The following TAF4B variants were observed in gnomAD, a reference collection of about 807,000 sequenced individuals.
The protein encoded by TAF4B is transcription initiation factor TFIID subunit 4B.
TAF4B carries 38 observed loss-of-function variants against 86.4 expected under a neutral mutation model. The observed-to-expected ratio is 0.44, with a 90% CI of 0.34 to 0.58. The LOEUF is 0.58. Ranked by LOEUF, TAF4B falls within the 20% of genes least tolerant of loss-of-function variation. TAF4B has a pLI of 0.02. For synonymous variants in TAF4B, 388 were observed against 391.2 expected (o/e 0.99, Z 0.10); for missense variants, 988 against 1,027.6 (o/e 0.96, Z 0.53).
Position 26,265,274 on chromosome 18 carries a change from G to A in TAF4B, c.448G>A (p.Val150Ile). 2 of 1,614,020 alleles carry A rather than the reference G, an allele frequency of 1.2e-6. No homozygotes were observed. Among genetic ancestry groups the A allele is most frequent in the Non-Finnish European group, 1.7e-6 (2 of 1,179,994 alleles). ...TTSNITSRPA[V>I]PANPQTVKIC... ...AAGTAACATAACCTCAAGGCCAGCA[G>A]TACCAGCGAATCCTCAAACAGTCAA... Residue 150 changes from valine to isoleucine, a missense_variant, in exon 2 of 15, where the codon GTA (valine) becomes ATA (isoleucine). Physicochemically the swap from Val to Ile is conservative, Grantham distance 29 (BLOSUM62 3). Coordinates refer to ENST00000269142, the MANE Select transcript of TAF4B (RefSeq NM_005640.3).
intron 9 of TAF4B, among the ~76,000 whole-genome samples, chr18:26,307,293 T>C (rs2144649046): frequency 6.6e-6 from 1 of 152,294 alleles, no homozygotes; most frequent in Non-Finnish European, 1.5e-5. Context: ...TTGTGACTTT[T>C]TCTGCTAAGA....
intron 1 of TAF4B, among the ~76,000 whole-genome samples, chr18:26,241,377 A>T (rs8093845): frequency 0.65 from 98,049 of 152,000 alleles, 33,731 homozygotes; most frequent in African/African-American, 0.87. Flanking sequence ...TGCGTAGAGG[A>T]GTTTATAGTA....
chr18:26,362,522 T>C (rs1397031337), intron 14 of TAF4B, among the ~76,000 whole-genome samples: 4 of 152,228 alleles, frequency 2.6e-5, no homozygotes, highest in Non-Finnish European at 4.4e-5. Flanking sequence ...GGTGTTTTTA[T>C]TTATTATATG....
chr18:26,330,162 C>CA (rs2057039410), intron 12 of TAF4B, among the ~76,000 whole-genome samples: 1 of 152,152 alleles, frequency 6.6e-6, no homozygotes, highest in Admixed American at 6.6e-5. Context: ...GTCATGGTTG[C>CA]AAAATGTCAA....
chr18:26,328,746 A>C (rs1376428294), intron 12 of TAF4B, among the ~76,000 whole-genome samples: 3 of 151,910 alleles, frequency 2.0e-5, no homozygotes, highest in Non-Finnish European at 4.4e-5. Flanking sequence ...TAGCCTCCTG[A>C]GTAGCTGGGA....
intron 1 of TAF4B, among the ~76,000 whole-genome samples, chr18:26,244,012 G>T (rs1317284736): frequency 6.6e-6 from 1 of 152,252 alleles, no homozygotes; most frequent in Admixed American, 6.5e-5. Flanking sequence ...ATGCCTCCCA[G>T]TTAGGCTACT....
chr18:26,302,898 A>AT (rs2056752174), intron 9 of TAF4B, among the ~76,000 whole-genome samples: 1 of 151,930 alleles, frequency 6.6e-6, no homozygotes. Context: ...TCAATAGTTA[A>AT]TCTTTTTTAT....
chr18:26,358,928 C>T (rs984515242), intron 14 of TAF4B, among the ~76,000 whole-genome samples: 5 of 152,126 alleles, frequency 3.3e-5, no homozygotes, highest in Admixed American at 3.3e-4. Context: ...ACGCCACTCA[C>T]CTTAATAGAT....
intron 1 of TAF4B, among the ~76,000 whole-genome samples, chr18:26,238,136 C>T (rs967543549): frequency 6.6e-6 from 1 of 152,292 alleles, no homozygotes; most frequent in East Asian, 1.9e-4. Context: ...TTCCTCTTAG[C>T]TCACAAAGAG....
At chr18:26,375,103 G>A (rs537820084) in intron 14 of TAF4B, among the ~76,000 whole-genome samples, 1 of 152,172 alleles carries the variant, frequency 6.6e-6, no homozygotes, top group Non-Finnish European at 1.5e-5. Flanking sequence ...CCTGACAACC[G>A]GTAATCTATT....
chr18:26,297,463 G>A (rs563274159), intron 9 of TAF4B, among the ~76,000 whole-genome samples: 2 of 152,274 alleles, frequency 1.3e-5, no homozygotes, highest in East Asian at 1.9e-4. Flanking sequence ...AGCTGGACTC[G>A]TAGAGAATTA....
At chr18:26,250,836 T>C (rs1468810077) in intron 1 of TAF4B, among the ~76,000 whole-genome samples, 1 of 152,204 alleles carries the variant, frequency 6.6e-6, no homozygotes, top group African/African-American at 2.4e-5. Flanking sequence ...AAATGAAATT[T>C]AATAGAGATA....
At chr18:26,374,910 A>G (rs1184430835) in intron 14 of TAF4B, among the ~76,000 whole-genome samples, 1 of 152,184 alleles carries the variant, frequency 6.6e-6, no homozygotes, top group African/African-American at 2.4e-5. Context: ...GTGTGTGCCA[A>G]CTTTTTTCAT....
chr18:26,283,790 C>G (rs1014939876), intron 6 of TAF4B, among the ~76,000 whole-genome samples: 2 of 152,184 alleles, frequency 1.3e-5, no homozygotes, highest in Non-Finnish European at 2.9e-5. Flanking sequence ...GTGGCTCACG[C>G]CTGTAATCCC....
chr18:26,346,817 GTGTGTGTATATATATATA>G (rs2057192741), intron 13 of TAF4B, among the ~76,000 whole-genome samples: 10 of 11,642 alleles, frequency 8.6e-4, no homozygotes, highest in Non-Finnish European at 2.5e-3. Context: ...ATATATATAT[GTGTGTGTATATATATATA>G]TGTGTGTGTG....
intron 14 of TAF4B, among the ~76,000 whole-genome samples, 160 bp downstream of exon 14, chr18:26,357,954 G>T (rs764379568): frequency 1.3e-5 from 2 of 152,080 alleles, no homozygotes; most frequent in Non-Finnish European, 2.9e-5. Flanking sequence ...ATTTTTGCCA[G>T]GTTTTAAAGA....
At chr18:26,247,136 A>AT (rs900206694) in intron 1 of TAF4B, among the ~76,000 whole-genome samples, 1 of 152,210 alleles carries the variant, frequency 6.6e-6, no homozygotes, top group African/African-American at 2.4e-5. Context: ...AATTGCTGGG[A>AT]TTACAGGCGT....
At chr18:26,349,517 A>G (rs561441547) in intron 13 of TAF4B, among the ~76,000 whole-genome samples, 1 of 152,328 alleles carries the variant, frequency 6.6e-6, no homozygotes, top group African/African-American at 2.4e-5. Flanking sequence ...GAACTCTGCA[A>G]GGAAAATTAT....
intron 13 of TAF4B, among the ~76,000 whole-genome samples, chr18:26,351,053 T>G (rs2057240994): frequency 6.6e-6 from 1 of 152,174 alleles, no homozygotes; most frequent in Non-Finnish European, 1.5e-5. Context: ...CAGAGACATC[T>G]GTACCCCCTT....
Sources: allele counts gnomAD v4.1 joint callset (sites outside exome capture counted in the v4.1 genomes callset), GRCh38; gene constraint gnomAD v4.1.1; transcripts MANE v1.5; gene names NCBI Gene and HGNC (gene_info 2026-07-23, HGNC 2026-07-21).